SLIT3: variants seen among roughly 807,000 people sequenced by gnomAD.
SLIT3 encodes slit homolog 3 protein.
Under a neutral mutation model 184.0 loss-of-function variants are expected in SLIT3, and 68 were observed. That is an observed-to-expected ratio of 0.37 (90% CI 0.30 to 0.45). The LOEUF is 0.45. Ranked by LOEUF, SLIT3 falls within the 20% of genes least tolerant of loss-of-function variation. The pLI, the probability that SLIT3 is intolerant of heterozygous loss-of-function variation, is 1.00. For synonymous variants in SLIT3, 831 were observed against 828.6 expected, an observed-to-expected ratio of 1.00 and a Z score of -0.05; for missense variants, 1,707 against 2,026.0, an observed-to-expected ratio of 0.84 and a Z score of 3.02.
intron 4 of SLIT3, among the ~76,000 whole-genome samples, chr5:169,109,912 G>A (rs1035020402): frequency 6.6e-6 from 1 of 152,156 alleles, no homozygotes; most frequent in East Asian, 1.9e-4. Context: ...CCGTGTGCCA[G>A]TTGCTGAGAT....
At position 168,897,646 on chromosome 5, in the gene SLIT3, G is replaced by GCACACACACACACACACA; in HGVS notation, c.414-14311_414-14310insTGTGTGTGTGTGTGTGTG. Among the ~76,000 whole-genome samples the GCACACACACACACACACA allele has an allele frequency of 1.3e-3, 136 of 105,402 alleles. 1 individual carries two copies. The highest frequency in any genetic ancestry group is 4.1e-3 in the African/African-American group (97 of 23,818). 69.1% of individuals were successfully genotyped at this position (105,402 alleles called of 152,430 possible). A position where few individuals can be genotyped will look rare whatever the true frequency, so the allele number is the denominator to read the frequency against. ...AGAAAGAGGATGGAGACAGGTGCAC[G>GCACACACACACACACACA]TACACACACACACACACACACACAC... On this transcript the variant is annotated intron_variant, in intron 4 of 35. Coordinates refer to ENST00000519560, the MANE Select transcript of SLIT3 (RefSeq NM_003062.4).
rs563880325 is a variant in SLIT3 at position 169,060,208 on chromosome 5, G to A, written c.413+133271C>T. The stretch of plus-strand genomic sequence containing the variant: ...AGCTCAAGACCAGCTTGGTCAACAC[G>A]GTGAAACCCTGTCTCTACTAAAAAT... On this transcript the variant is annotated intron_variant, in intron 4 of 35. Transcript: ENST00000519560. Among the ~76,000 whole-genome samples, 7 of 152,268 alleles carry A rather than the reference G, an allele frequency of 4.6e-5. No individual in the cohort carries two copies. In the East Asian group the frequency reaches 5.8e-4, roughly 13 times the overall value.
chr5:168,728,794 T>A (rs1763211791), intron 20 of SLIT3, among the ~76,000 whole-genome samples: 1 of 151,738 alleles, frequency 6.6e-6, no homozygotes, highest in Non-Finnish European at 1.5e-5. Flanking sequence ...AGCATGTGCC[T>A]GTGGTCCCAG....
chr5:169,255,756 GC>G (rs1205733871), intron 1 of SLIT3, among the ~76,000 whole-genome samples: 1 of 152,076 alleles, frequency 6.6e-6, no homozygotes, highest in Non-Finnish European at 1.5e-5. Flanking sequence ...GGTGGCGGGT[GC>G]CTGTTGTCCC....
At chr5:169,239,811 C>A (rs967029035) in intron 3 of SLIT3, among the ~76,000 whole-genome samples, 5 of 151,856 alleles carry the variant, frequency 3.3e-5, no homozygotes, top group African/African-American at 1.2e-4. Flanking sequence ...GTTGTTCTTG[C>A]CCTAACTTTG....
At chr5:169,229,537 G>A (rs1469297493) in intron 3 of SLIT3, among the ~76,000 whole-genome samples, 3 of 152,098 alleles carry the variant, frequency 2.0e-5, no homozygotes, top group African/African-American at 4.8e-5. Flanking sequence ...GGGAGAACAG[G>A]GAAAGAATGC....
At chr5:168,736,711 G>T (rs113219062) in intron 20 of SLIT3, among the ~76,000 whole-genome samples, 2 of 145,756 alleles carry the variant, frequency 1.4e-5, no homozygotes, top group Admixed American at 6.7e-5. Flanking sequence ...AGAGTGCCTG[G>T]GCTTGCCTCC....
chr5:169,182,331 T>G (rs1458240730), intron 4 of SLIT3, among the ~76,000 whole-genome samples: 2 of 152,248 alleles, frequency 1.3e-5, no homozygotes, highest in African/African-American at 4.8e-5. Context: ...GTTTGGACAG[T>G]GCTGTGTTAT....
At position 169,098,927 on chromosome 5, in the gene SLIT3, G is replaced by A. The variant is rs567827068; in HGVS notation, c.413+94552C>T. 1.2e-4 allele frequency among the ~76,000 whole-genome samples: 19 copies of A among 152,066 alleles called. No individual in the cohort carries two copies. In the East Asian group the frequency reaches 1.6e-3, roughly 12 times the overall value. ...GGTAGGAGGGTCACACACCTGGGCC[G>A]GCAGAAAAAGGCCAAAACACTGAGA... On this transcript the variant is annotated intron_variant, in intron 4 of 35. Transcript: ENST00000519560.
At chr5:169,223,289 T>C (rs1764678952) in intron 3 of SLIT3, among the ~76,000 whole-genome samples, 1 of 152,188 alleles carries the variant, frequency 6.6e-6, no homozygotes, top group Non-Finnish European at 1.5e-5. Flanking sequence ...GTGGGGATGC[T>C]ATGACCTCTA....
chr5:168,740,748 A>C (rs188526353), intron 20 of SLIT3, among the ~76,000 whole-genome samples: 1 of 152,312 alleles, frequency 6.6e-6, no homozygotes, highest in East Asian at 1.9e-4. Flanking sequence ...ACCATTTCCA[A>C]ATCAGAAAAT....
At chr5:169,182,590 AAATG>A (rs1235464028) in intron 4 of SLIT3, among the ~76,000 whole-genome samples, 2 of 152,232 alleles carry the variant, frequency 1.3e-5, no homozygotes, top group African/African-American at 2.4e-5. Context: ...TGTTGGTTGA[AAATG>A]AGAGATAATT....
intron 4 of SLIT3, among the ~76,000 whole-genome samples, chr5:169,029,635 C>A (rs548090538): frequency 6.6e-6 from 1 of 152,058 alleles, no homozygotes; most frequent in Admixed American, 6.5e-5. Context: ...AACTGGAACT[C>A]GATTAGTAAC....
chr5:169,022,580 CA>C lies in SLIT3; in HGVS notation c.414-139245del, dbSNP rs550634817. On this transcript the variant is annotated intron_variant, in intron 4 of 35. Transcript: ENST00000519560. ...ATGTATTTCCTATGTTTGCCTTGTA[CA>C]AAAATGATCCTGTAGCTAAAAACAA... 8.5e-5 allele frequency among the ~76,000 whole-genome samples: 13 copies of C among 152,230 alleles called. No individual in the cohort carries two copies. The South Asian group carries it at 2.7e-3, about 32-fold the overall frequency.
chr5:168,825,631 G>T (rs12691283), intron 6 of SLIT3, among the ~76,000 whole-genome samples: 45,023 of 152,116 alleles, frequency 0.3, 9,269 homozygotes, highest in African/African-American at 0.59. Flanking sequence ...CCCACTTAGC[G>T]GTTTTGTTTC....
chr5:169,138,258 C>T (rs1308170733), intron 4 of SLIT3, among the ~76,000 whole-genome samples: 1 of 152,206 alleles, frequency 6.6e-6, no homozygotes, highest in Non-Finnish European at 1.5e-5. Flanking sequence ...TTATACCCCA[C>T]CCTGTCCTGG....
chr5:168,736,758 C>T (rs1289716832), intron 20 of SLIT3, among the ~76,000 whole-genome samples: 1 of 149,260 alleles, frequency 6.7e-6, no homozygotes, highest in East Asian at 1.9e-4. Flanking sequence ...TTCAAGAGGA[C>T]CCATGTAAGC....
intron 4 of SLIT3, among the ~76,000 whole-genome samples, chr5:168,913,252 T>C (rs1230771274): frequency 6.6e-6 from 1 of 151,254 alleles, no homozygotes; most frequent in African/African-American, 2.4e-5. Flanking sequence ...AAAACTGCAA[T>C]TAGTTTTGCA....
At chr5:168,778,689 C>T (rs1053299933) in intron 12 of SLIT3, among the ~76,000 whole-genome samples, 1 of 152,318 alleles carries the variant, frequency 6.6e-6, no homozygotes. Context: ...CTCTGTGATC[C>T]CCTTACTCTG....
Sources: gnomAD v4.1 joint callset for allele counts (sites outside exome capture counted in the v4.1 genomes callset) on GRCh38, gnomAD v4.1.1 for gene constraint, MANE v1.5 for transcripts, NCBI Gene and HGNC (gene_info 2026-07-23, HGNC 2026-07-21) for gene names.